TMEM41B: variants seen among roughly 807,000 people sequenced by gnomAD.
TMEM41B encodes transmembrane protein 41B, also known as protein stasimon.
TMEM41B carries 18 observed loss-of-function variants against 31.9 expected under a neutral mutation model. The ratio of observed to expected loss-of-function variants is 0.56; its 90% CI spans 0.39 to 0.84. TMEM41B has a LOEUF of 0.84. Among genes scored for constraint, TMEM41B ranks in the 40% least tolerant of loss-of-function variants. The pLI is 0.00. For synonymous variants in TMEM41B, 144 were observed against 124.3 expected, an observed-to-expected ratio of 1.16 and a Z score of -1.05; for missense variants, 322 against 348.0, an observed-to-expected ratio of 0.93 and a Z score of 0.59.
chr11:9,300,402 T>G (rs1853219477), intron 1 of TMEM41B, among the ~76,000 whole-genome samples: 1 of 152,190 alleles, frequency 6.6e-6, no homozygotes, highest in Non-Finnish European at 1.5e-5. Context: ...TGGCAATTAC[T>G]TCACCTGTTT....
rs116564283 is a variant in TMEM41B at position 9,311,167 on chromosome 11, G to A, written c.121+3154C>T. 2,308 of 1,213,162 alleles carry A rather than the reference G, an allele frequency of 1.9e-3. 35 individuals are homozygous for A. In the African/African-American group the frequency reaches 0.032, roughly 17 times the overall value. 75.1% of individuals were successfully genotyped at this position (1,213,162 alleles called of 1,614,324 possible). The stretch of plus-strand genomic sequence containing the variant: ...CAACAGCAGGGTGAAGCTCAGGCGG[G>A]GGTAGGGTGTGGGGAGCACAAGGGC... On this transcript the variant is annotated intron_variant, in intron 1 of 6. Transcript: ENST00000528080.
intron 6 of TMEM41B, among the ~76,000 whole-genome samples, chr11:9,285,493 T>A (rs540598408): frequency 6.6e-6 from 1 of 152,266 alleles, no homozygotes; most frequent in Non-Finnish European, 1.5e-5. Flanking sequence ...ATGTAAGAAA[T>A]CTGCTCGTAT....
chr11:9,285,529 G>A lies in TMEM41B; in HGVS notation c.706+926C>T, dbSNP rs528328115. 2.8e-4 allele frequency among the ~76,000 whole-genome samples: 42 copies of A among 152,064 alleles called. 1 individual carries two copies. Among genetic ancestry groups the A allele is most frequent in the East Asian group, 1.2e-3 (6 of 5,180 alleles). On this transcript the variant is annotated intron_variant, in intron 6 of 6. Transcript: ENST00000528080. ...TTTTGACTTCTAAACAATTCAACTCGAACTGGAAAGAAGAGCAAAACATTC... is the reference window on the plus strand; with the variant it reads ...TTTTGACTTCTAAACAATTCAACTCAAACTGGAAAGAAGAGCAAAACATTC...
At chr11:9,305,870 T>C (rs1177174573) in intron 1 of TMEM41B, among the ~76,000 whole-genome samples, 1 of 152,096 alleles carries the variant, frequency 6.6e-6, no homozygotes, top group African/African-American at 2.4e-5. Context: ...AAATCTTGTT[T>C]TTATAGGTCT....
chr11:9,285,280 T>G (rs1025704188), intron 6 of TMEM41B, among the ~76,000 whole-genome samples: 1 of 152,136 alleles, frequency 6.6e-6, no homozygotes, highest in African/African-American at 2.4e-5. Flanking sequence ...AGACAGGGTT[T>G]TACCATATTG....
intron 3 of TMEM41B, among the ~76,000 whole-genome samples, chr11:9,294,749 AAC>A (rs1317982017): frequency 6.6e-6 from 1 of 152,090 alleles, no homozygotes; most frequent in Non-Finnish European, 1.5e-5. Context: ...AATTGTAAAA[AAC>A]ATTCATTCCT....
intron 3 of TMEM41B, among the ~76,000 whole-genome samples, chr11:9,290,561 A>G (rs577074898): frequency 3.0e-4 from 45 of 152,132 alleles, no homozygotes; most frequent in Admixed American, 8.5e-4. Flanking sequence ...ATAAAAAAAA[A>G]AAAGAAAGAA....
At chr11:9,299,050 G>A (rs1853172243) in intron 2 of TMEM41B, among the ~76,000 whole-genome samples, 1 of 151,876 alleles carries the variant, frequency 6.6e-6, no homozygotes, top group Admixed American at 6.6e-5. Flanking sequence ...GGAGGCCGAG[G>A]CAGGTGGATC....
rs1853640779 is a variant in TMEM41B at position 9,314,397 on chromosome 11, G to A, written c.45C>T (p.His15=). Reference sequence around the variant, plus strand: ...CCCCGTCCCCCACGGGGGTCGTGTGGTGAGCGCCCAACTGCGATCGTTCGG... The same window carrying A: ...CCCCGTCCCCCACGGGGGTCGTGTGATGAGCGCCCAACTGCGATCGTTCGG... ...RVAERSQLGA[H]HTTPVGDGAA... The change falls in exon 1 of 7, where the codon CAC becomes CAT. Residue 15 remains histidine, a synonymous_variant. Transcript: ENST00000528080. The A allele has an allele frequency of 3.8e-6, 6 of 1,571,116 alleles. No individual in the cohort carries two copies. The African/African-American group carries it at 8.2e-5, about 21-fold the overall frequency.
intron 1 of TMEM41B, chr11:9,311,616 T>C (rs1853564835): frequency 2.6e-5 from 25 of 967,730 alleles, no homozygotes; most frequent in East Asian, 9.8e-5. Flanking sequence ...GTGGGCAGGA[T>C]TGGAACCTCC....
At chr11:9,297,258 T>A (rs997084859) in intron 2 of TMEM41B, among the ~76,000 whole-genome samples, 1 of 152,182 alleles carries the variant, frequency 6.6e-6, no homozygotes, top group African/African-American at 2.4e-5. Context: ...CTAATTTTTT[T>A]ATTTTTAGTA....
chr11:9,287,928 T>C (rs548717983), intron 4 of TMEM41B, 122 bp from the exon 5 acceptor site: 63 of 718,644 alleles, frequency 8.8e-5, no homozygotes, highest in Non-Finnish European at 1.5e-4. Flanking sequence ...GTACTCTGCA[T>C]GACATCTCTT....
intron 1 of TMEM41B, chr11:9,311,775 G>C (rs989878314): frequency 1.7e-6 from 1 of 595,812 alleles, no homozygotes; most frequent in Non-Finnish European, 3.0e-6. Context: ...CCTCCTGTCT[G>C]CTCTCTCATC....
At chr11:9,301,755 A>G (rs1472949665) in intron 1 of TMEM41B, among the ~76,000 whole-genome samples, 1 of 152,152 alleles carries the variant, frequency 6.6e-6, no homozygotes, top group African/African-American at 2.4e-5. Context: ...GAACTAAAAG[A>G]GATACTGGTT....
intron 1 of TMEM41B, among the ~76,000 whole-genome samples, chr11:9,303,175 C>T (rs1325313766): frequency 6.6e-6 from 1 of 151,976 alleles, no homozygotes; most frequent in African/African-American, 2.4e-5. Flanking sequence ...TGCCACCACA[C>T]TGGCTAATTT....
chr11:9,283,514 G>A lies in TMEM41B; in HGVS notation c.786C>T (p.Ser262=). 1 of 1,613,508 alleles carries A rather than the reference G, an allele frequency of 6.2e-7. No individual in the cohort carries two copies. The highest frequency in any genetic ancestry group is 1.1e-5 in the South Asian group (1 of 90,980). ...TCATCAGAATAAATATTGAGTTCCA[G>A]GAAACAGCTTCTCCTGCTGTTGTAA... is the stretch of plus-strand genomic sequence containing the variant. ...YQLTTAGEAV[S]WNSIFILMIL... Residue 262 remains serine, a synonymous_variant, in exon 7 of 7, where the codon TCC becomes TCT. Coordinates refer to ENST00000528080, the MANE Select transcript of TMEM41B (RefSeq NM_015012.4).
At chr11:9,300,367 GC>G (rs916156111) in intron 1 of TMEM41B, among the ~76,000 whole-genome samples, 5 of 152,032 alleles carry the variant, frequency 3.3e-5, no homozygotes, top group African/African-American at 4.8e-5. Context: ...AGACAAAATG[GC>G]CCCTTTGGAA....
Position 9,294,488 on chromosome 11 carries a change from C to G in TMEM41B, c.368+771G>C, listed in dbSNP as rs75836456. 1.2e-4 allele frequency among the ~76,000 whole-genome samples: 11 copies of G among 88,418 alleles called. No individual in the cohort carries two copies. In the South Asian group the frequency reaches 2.9e-3, roughly 24 times the overall value. 58.0% of individuals were successfully genotyped at this position (88,418 alleles called of 152,430 possible). ...GTGTAACAAGAGCAAAACTCCATCT[C>G]AAAAAAAAAAAAAAAAAGTTGGTTT... On this transcript the variant is annotated intron_variant, in intron 3 of 6. Coordinates refer to ENST00000528080, the MANE Select transcript of TMEM41B (RefSeq NM_015012.4).
rs1853284741 is a variant in TMEM41B, at chr11:9,302,403, G to T, written c.122-2702C>A. On this transcript the variant is annotated intron_variant, in intron 1 of 6. Coordinates refer to ENST00000528080, the MANE Select transcript of TMEM41B (RefSeq NM_015012.4). ...AAAGTCTTGACTAAATAAAAGATGA[G>T]CTTCATTTTTATCCCTTGTCTCACT... Among the ~76,000 whole-genome samples, 2 of 100,112 alleles carry T rather than the reference G, an allele frequency of 2.0e-5. 1 individual carries two copies. Among genetic ancestry groups the T allele is most frequent in the African/African-American group, 7.7e-5 (2 of 25,888 alleles). The allele number at this position is 100,112 out of a possible 152,430, so 65.7% of individuals were successfully genotyped here.
Sources: allele counts gnomAD v4.1 joint callset (sites outside exome capture counted in the v4.1 genomes callset), GRCh38; gene constraint gnomAD v4.1.1; transcripts MANE v1.5; gene names NCBI Gene and HGNC (gene_info 2026-07-23, HGNC 2026-07-21).